PKNOX1: variants seen among roughly 807,000 people sequenced by gnomAD.
PKNOX1 encodes the protein PBX/knotted 1 homeobox 1, also known as homeobox protein PKNOX1.
In PKNOX1, 15 loss-of-function variants were observed where a neutral mutation model predicts 51.9. That is an observed-to-expected ratio of 0.29 (90% CI 0.19 to 0.45). The LOEUF (loss-of-function observed/expected upper bound fraction) is 0.45. Among genes scored for constraint, PKNOX1 ranks in the 20% least tolerant of loss-of-function variants. The pLI is 1.00. For missense variants in PKNOX1, 462 were observed against 547.5 expected (o/e 0.84, Z 1.56); for synonymous variants, 219 against 211.1 (o/e 1.04, Z -0.32).
intron 1 of PKNOX1, among the ~76,000 whole-genome samples, chr21:42,994,617 T>C (rs1305106479): frequency 6.6e-6 from 1 of 151,966 alleles, no homozygotes; most frequent in Non-Finnish European, 1.5e-5. Context: ...CAACAGTTAT[T>C]GTTATCTGGA....
chr21:43,007,394 C>T, intron 2 of PKNOX1, 97 bp from the exon 3 acceptor site: 2 of 1,095,434 alleles, frequency 1.8e-6, no homozygotes, highest in Non-Finnish European at 2.8e-6. Context: ...ATACTGCTGT[C>T]TGGCAATTCC....
At chr21:42,977,090 A>T (rs1025341430) in intron 1 of PKNOX1, among the ~76,000 whole-genome samples, 5 of 152,180 alleles carry the variant, frequency 3.3e-5, no homozygotes, top group Non-Finnish European at 7.3e-5. Flanking sequence ...TTTTGAAAGA[A>T]ATCTTTTTCT....
chr21:42,975,644 G>A (rs536216111), intron 1 of PKNOX1, among the ~76,000 whole-genome samples: 1 of 152,358 alleles, frequency 6.6e-6, no homozygotes, highest in South Asian at 2.1e-4. Flanking sequence ...CCTCCGTTCC[G>A]ATGGCGGATT....
intron 5 of PKNOX1, among the ~76,000 whole-genome samples, chr21:43,014,010 G>T (rs2146276224): frequency 1.4e-5 from 2 of 144,334 alleles, no homozygotes; most frequent in African/African-American, 2.6e-5. Flanking sequence ...TGCTGCTTAT[G>T]TCTTTTGCCT....
At chr21:43,010,031 C>CTT in intron 3 of PKNOX1, 22 bp from the exon 4 acceptor site, 1 of 1,491,514 alleles carries the variant, frequency 6.7e-7, no homozygotes, top group African/African-American at 1.4e-5. Flanking sequence ...TAAATGGATT[C>CTT]TTTTTTTTCT....
At chr21:43,009,610 C>CGA (rs1368032256) in intron 3 of PKNOX1, among the ~76,000 whole-genome samples, 1 of 76,172 alleles carries the variant, frequency 1.3e-5, no homozygotes, top group Non-Finnish European at 2.3e-5. Flanking sequence ...GACTCCATCT[C>CGA]AAAAAAAAAA....
intron 1 of PKNOX1, among the ~76,000 whole-genome samples, chr21:42,984,974 C>CTTTTTTTTTTTTTT (rs71195904): frequency 1.7e-4 from 10 of 57,998 alleles, no homozygotes; most frequent in East Asian, 5.8e-4. Context: ...ATTTTCTTTT[C>CTTTTTTTTTTTTTT]TTTTTTTTTT....
In PKNOX1 at chr21:42,976,957, C is replaced by G. The variant is rs182099904; in HGVS notation, c.-57+2293C>G. ...TTAAGACTTGAAAGTCAAGATTACT[C>G]CTTGGATCCATAGCTGCAGAATGGA... is the stretch of plus-strand genomic sequence containing the variant. On this transcript the variant is annotated intron_variant, in intron 1 of 10. Coordinates refer to ENST00000291547, the MANE Select transcript of PKNOX1 (RefSeq NM_004571.5). Among the ~76,000 whole-genome samples, 265 of 152,282 alleles carry G rather than the reference C, an allele frequency of 1.7e-3. 3 individuals are homozygous for G. Among genetic ancestry groups the G allele is most frequent in the African/African-American group, 6.0e-3 (248 of 41,550 alleles).
chr21:43,009,912 C>A, intron 3 of PKNOX1, 141 bp from the exon 4 acceptor site: 1 of 466,770 alleles, frequency 2.1e-6, no homozygotes, highest in East Asian at 3.3e-5. Context: ...CGTTGAATTG[C>A]ATACTTTCAA....
Position 43,013,150 on chromosome 21 carries a change from G to A in PKNOX1, c.434G>A (p.Arg145Gln). 6.2e-7 allele frequency: 1 copy of A among 1,613,764 alleles called. No homozygotes were observed. The highest frequency in any genetic ancestry group is 8.5e-7 in the Non-Finnish European group (1 of 1,179,746). The part of the protein sequence containing the change: ...VNELCKDFCS[R>Q]YIACLKTKMN... ...GAACTCTGCAAAGATTTCTGCAGTC[G>A]ATACATTGCTTGTCTGAAAACAAAA... Residue 145 changes from arginine to glutamine, a missense_variant, in exon 5 of 11, where the codon CGA becomes CAA. Around this residue, in one of 5 missense-constraint regions of PKNOX1, gnomAD observed 14 missense variants for 39.3 expected, o/e 0.36. Coordinates refer to ENST00000291547, the MANE Select transcript of PKNOX1 (RefSeq NM_004571.5).
intron 1 of PKNOX1, among the ~76,000 whole-genome samples, chr21:42,976,391 G>T (rs575164326): frequency 6.6e-6 from 1 of 152,284 alleles, no homozygotes; most frequent in South Asian, 2.1e-4. Flanking sequence ...CAGGGTGGTG[G>T]TGGCTGTGTC....
At position 43,031,654 on chromosome 21, in the gene PKNOX1, T is replaced by C. The variant is rs974264223; in HGVS notation, c.*1553T>C. 1 of 153,044 alleles carries C rather than the reference T, an allele frequency of 6.5e-6. No individual in the cohort carries two copies. The highest frequency in any genetic ancestry group is 2.4e-5 in the African/African-American group (1 of 41,476). The allele number at this position is 153,044 out of a possible 1,614,324, so 9.5% of individuals were successfully genotyped here. On this transcript the variant is annotated 3_prime_UTR_variant, in exon 11 of 11. Coordinates refer to ENST00000291547, the MANE Select transcript of PKNOX1 (RefSeq NM_004571.5). ...GTTCATTTGTTTACAGGGTCGGGAA[T>C]GTCTTCAGTTCTTGAGAGTCAACAG...
chr21:43,019,958 G>A (rs1315435625), intron 7 of PKNOX1, among the ~76,000 whole-genome samples: 2 of 123,822 alleles, frequency 1.6e-5, no homozygotes, highest in Non-Finnish European at 3.2e-5. Flanking sequence ...TTTAAGAGAC[G>A]GTCTCGCTCT....
chr21:42,990,706 G>T (rs1292190042), intron 1 of PKNOX1, among the ~76,000 whole-genome samples: 2 of 152,168 alleles, frequency 1.3e-5, no homozygotes, highest in Admixed American at 6.6e-5. Flanking sequence ...CATGACATGG[G>T]AGCCTTTATA....
intron 3 of PKNOX1, among the ~76,000 whole-genome samples, chr21:43,009,558 C>G (rs1185576534): frequency 3.6e-5 from 5 of 138,762 alleles, no homozygotes; most frequent in Admixed American, 1.6e-4. Flanking sequence ...TTGCAGTGAC[C>G]CGAGATCGTG....
chr21:42,994,677 T>C (rs1396085322), intron 1 of PKNOX1, among the ~76,000 whole-genome samples: 2 of 152,092 alleles, frequency 1.3e-5, no homozygotes, highest in Non-Finnish European at 2.9e-5. Flanking sequence ...AAAGTAAGTT[T>C]TGGATATCAT....
intron 1 of PKNOX1, among the ~76,000 whole-genome samples, chr21:42,982,157 G>T (rs1393836906): frequency 1.3e-5 from 2 of 152,194 alleles, no homozygotes; most frequent in African/African-American, 4.8e-5. Flanking sequence ...CGGGCTGGGG[G>T]CTGGCCTTGG....
intron 1 of PKNOX1, among the ~76,000 whole-genome samples, chr21:42,978,471 T>TAC (rs397935424): frequency 3.5e-5 from 5 of 142,660 alleles, no homozygotes; most frequent in Admixed American, 6.9e-5. Flanking sequence ...CTAACTTGTT[T>TAC]TTTTCTTTTC....
At chr21:42,996,188 CAG>C (rs1234653722) in intron 1 of PKNOX1, among the ~76,000 whole-genome samples, 1 of 152,120 alleles carries the variant, frequency 6.6e-6, no homozygotes, top group Non-Finnish European at 1.5e-5. Context: ...GCCTAGGTGA[CAG>C]AGCAAGACCT....
Sources: allele counts gnomAD v4.1 joint callset (sites outside exome capture counted in the v4.1 genomes callset), GRCh38; gene constraint gnomAD v4.1.1; regional missense constraint gnomAD v4.1.1; transcripts MANE v1.5; gene names NCBI Gene and HGNC (gene_info 2026-07-23, HGNC 2026-07-21).